The following IL1RL2 variants were observed in gnomAD, a reference collection of about 807,000 sequenced individuals.
IL1RL2 encodes the protein interleukin-1 receptor-like 2.
A neutral mutation model predicts 66.8 loss-of-function variants in IL1RL2; 68 were observed. The observed-to-expected ratio is 1.02, with a 90% CI of 0.84 to 1.25. The LOEUF is 1.25. Among genes scored for constraint, IL1RL2 ranks in the 50% most tolerant of loss-of-function variants. IL1RL2 has a pLI of 0.00. For missense variants in IL1RL2, 729 were observed against 709.3 expected (o/e 1.03, Z -0.32); for synonymous variants, 305 against 264.6 (o/e 1.15, Z -1.48).
At chr2:102,215,095 C>T (rs1689492033) in intron 6 of IL1RL2, among the ~76,000 whole-genome samples, 1 of 152,226 alleles carries the variant, frequency 6.6e-6, no homozygotes, top group African/African-American at 2.4e-5. Context: ...CTGCCACCTT[C>T]ATTATTACCA....
intron 4 of IL1RL2, among the ~76,000 whole-genome samples, chr2:102,195,611 T>C (rs1431106719): frequency 1.1e-4 from 2 of 17,658 alleles, no homozygotes; most frequent in Non-Finnish European, 2.7e-4. Context: ...CTTTCTTTCT[T>C]TCTTTCTTTC....
At position 102,226,017 on chromosome 2, in the gene IL1RL2, T is replaced by C; in HGVS notation, c.1111T>C (p.Phe371Leu). 1 of 1,602,364 alleles carries C rather than the reference T, an allele frequency of 6.2e-7. No individual in the cohort carries two copies. The highest frequency in any genetic ancestry group is 1.1e-5 in the South Asian group (1 of 89,286). The change falls in exon 9 of 12, where the codon TTC becomes CTC. Residue 371 changes from phenylalanine to leucine, a missense_variant. Phe to Leu is a conservative substitution (Grantham distance 22). Transcript: ENST00000264257. The part of the protein sequence containing the change: ...IDIVLWYRSA[F>L]HSTETIVDGK... ...CATTGTTCTTTGGTATCGAAGTGCC[T>C]TCCATTCTACAGAGACCATAGTAGG... is the stretch of plus-strand genomic sequence containing the variant.
intron 6 of IL1RL2, 119 bp downstream of exon 6, chr2:102,212,293 C>A: frequency 1.4e-6 from 1 of 708,788 alleles, no homozygotes; most frequent in Non-Finnish European, 2.4e-6. Context: ...ACCCAGTTTC[C>A]AGCTTTGGAT....
intron 11 of IL1RL2, among the ~76,000 whole-genome samples, chr2:102,237,359 C>T (rs1432631874): frequency 6.6e-6 from 1 of 152,216 alleles, no homozygotes; most frequent in Non-Finnish European, 1.5e-5. Flanking sequence ...TGCCCACTGC[C>T]CTCAGGGGGT....
At chr2:102,223,876 T>A (rs1207686266) in intron 8 of IL1RL2, among the ~76,000 whole-genome samples, 1 of 152,074 alleles carries the variant, frequency 6.6e-6, no homozygotes, top group Non-Finnish European at 1.5e-5. Context: ...GCAGGAAGGA[T>A]CTGTCTTATG....
intron 4 of IL1RL2, among the ~76,000 whole-genome samples, chr2:102,201,348 CAT>C (rs888128627): frequency 1.6e-4 from 25 of 152,238 alleles, no homozygotes; most frequent in African/African-American, 5.5e-4. Context: ...CACACACACA[CAT>C]ATATACACAT....
chr2:102,216,251 A>G (rs1051221017), intron 6 of IL1RL2, among the ~76,000 whole-genome samples: 1 of 152,240 alleles, frequency 6.6e-6, no homozygotes, highest in Non-Finnish European at 1.5e-5. Context: ...AATAAATGCA[A>G]TTGAGAATTC....
At chr2:102,205,381 C>G (rs1401482666) in intron 5 of IL1RL2, among the ~76,000 whole-genome samples, 1 of 152,118 alleles carries the variant, frequency 6.6e-6, no homozygotes, top group Non-Finnish European at 1.5e-5. Context: ...ACTCATTGCT[C>G]ATTAATGTCC....
chr2:102,235,251 A>G lies in IL1RL2; in HGVS notation c.1652A>G (p.Gln551Arg). ...CCGTTTCCTCCGGTCCAGCTGCTGC[A>G]GCACACACCTTGCTACCGCACCGCA... ...CRPFPPVQLL[Q>R]HTPCYRTAGP... Residue 551 changes from glutamine to arginine, a missense_variant, in exon 11 of 12, where the codon CAG becomes CGG. By Grantham distance (43) the Gln-to-Arg change is conservative (BLOSUM62 1). Transcript: ENST00000264257. 6.2e-7 allele frequency: 1 copy of G among 1,613,856 alleles called. No homozygotes were observed. The highest frequency in any genetic ancestry group is 8.5e-7 in the Non-Finnish European group (1 of 1,179,996).
rs764071963 is a variant in IL1RL2, at chr2:102,212,998, AT to A, written c.724+825del. Among the ~76,000 whole-genome samples the A allele has an allele frequency of 4.6e-5, 7 of 152,300 alleles. No homozygotes were observed. The East Asian group carries it at 5.8e-4, about 13-fold the overall frequency. On this transcript the variant is annotated intron_variant, in intron 6 of 11. Coordinates refer to ENST00000264257, the MANE Select transcript of IL1RL2 (RefSeq NM_003854.4). ...AACAAAACAAAACAAAACAAAAAAA[AT>A]CACTAGTAAAATAAATATGTTGTAT...
chr2:102,215,050 C>T (rs372798545), intron 6 of IL1RL2, among the ~76,000 whole-genome samples: 7 of 144,766 alleles, frequency 4.8e-5, no homozygotes, highest in South Asian at 2.1e-4. Context: ...CCAAGAGAAA[C>T]TTCTCTTTGC....
At chr2:102,230,820 G>A (rs1319078077) in intron 9 of IL1RL2, among the ~76,000 whole-genome samples, 1 of 152,220 alleles carries the variant, frequency 6.6e-6, no homozygotes, top group East Asian at 1.9e-4. Flanking sequence ...GGACCCGAAG[G>A]TCAGCAGTGG....
intron 5 of IL1RL2, among the ~76,000 whole-genome samples, chr2:102,207,133 T>G (rs1368200425): frequency 1.3e-5 from 2 of 152,136 alleles, no homozygotes; most frequent in Non-Finnish European, 2.9e-5. Context: ...GGACTCACTC[T>G]TCAGGGCACT....
chr2:102,210,125 T>G (rs147895255), intron 5 of IL1RL2, among the ~76,000 whole-genome samples: 3 of 152,182 alleles, frequency 2.0e-5, no homozygotes, highest in African/African-American at 7.2e-5. Context: ...TTTCTGATAA[T>G]AGTGATGCTG....
At chr2:102,233,162 G>A (rs1210101748) in intron 10 of IL1RL2, 38 bp downstream of exon 10, 1 of 1,515,856 alleles carries the variant, frequency 6.6e-7, no homozygotes, top group South Asian at 1.1e-5. Flanking sequence ...ACAAATAAAA[G>A]AAGGAAAGCG....
chr2:102,242,453 C>T (rs1221446429), downstream of IL1RL2, among the ~76,000 whole-genome samples: 2 of 152,052 alleles, frequency 1.3e-5, no homozygotes, highest in African/African-American at 4.8e-5. Context: ...GGGCTGGAGA[C>T]CCAGGAAGGC....
chr2:102,218,332 A>C (rs1268705218), intron 6 of IL1RL2, among the ~76,000 whole-genome samples: 2 of 152,212 alleles, frequency 1.3e-5, no homozygotes, highest in Non-Finnish European at 2.9e-5. Flanking sequence ...CTTGAATGTT[A>C]GAATTTACTA....
At chr2:102,191,095 T>C (rs1687195228) in intron 3 of IL1RL2, among the ~76,000 whole-genome samples, 1 of 152,178 alleles carries the variant, frequency 6.6e-6, no homozygotes, top group South Asian at 2.1e-4. Flanking sequence ...CTTATAATTT[T>C]CTCTTTCACA....
At position 102,218,855 on chromosome 2, in the gene IL1RL2, C is replaced by T. The variant is rs528422125; in HGVS notation, c.725-98C>T. Reference sequence around the variant, plus strand: ...CTATTTCTGGTAATCAAAAGGTATTCGAGGCTCGAGAGTACGATGCACTTG... The same window carrying T: ...CTATTTCTGGTAATCAAAAGGTATTTGAGGCTCGAGAGTACGATGCACTTG... On this transcript the variant is annotated intron_variant, in intron 6 of 11. Transcript: ENST00000264257. 146 of 1,030,916 alleles carry T rather than the reference C, an allele frequency of 1.4e-4. 1 individual carries two copies. In the African/African-American group the frequency reaches 1.9e-3, roughly 13 times the overall value. The allele number at this position is 1,030,916 out of a possible 1,614,324, so 63.9% of individuals were successfully genotyped here. A position where few individuals can be genotyped will look rare whatever the true frequency, so the allele number is the denominator to read the frequency against.
Sources: gnomAD v4.1 joint callset for allele counts (sites outside exome capture counted in the v4.1 genomes callset) on GRCh38, gnomAD v4.1.1 for gene constraint, MANE v1.5 for transcripts, NCBI Gene and HGNC (gene_info 2026-07-23, HGNC 2026-07-21) for gene names.